The following WBP11 variants were observed in gnomAD, a reference collection of about 807,000 sequenced individuals.
WBP11 encodes WW domain-binding protein 11.
Under a neutral mutation model 66.7 loss-of-function variants are expected in WBP11, and 12 were observed. The observed-to-expected ratio is 0.18, with a 90% CI of 0.12 to 0.29. WBP11 has a LOEUF of 0.29. Ranked by LOEUF, WBP11 falls within the 10% of genes least tolerant of loss-of-function variation. The pLI, the probability that WBP11 is intolerant of heterozygous loss-of-function variation, is 1.00. For missense variants in WBP11, 555 were observed against 818.3 expected, an observed-to-expected ratio of 0.68 and a Z score of 3.93; for synonymous variants, 255 against 273.8, an observed-to-expected ratio of 0.93 and a Z score of 0.68.
In WBP11 at chr12:14,790,566, G is replaced by C. The variant is rs749551051; in HGVS notation, c.1199C>G (p.Ser400Cys). 3.7e-6 allele frequency: 6 copies of C among 1,613,848 alleles called. No individual in the cohort carries two copies. The highest frequency in any genetic ancestry group is 5.1e-6 in the Non-Finnish European group (6 of 1,179,858). ...TGGCATGGGAGGTGCTTGTATCTGA[G>C]AAGGAGGAACAGACTGCGGCGGAGC... Reference protein sequence around the residue: ...QQAPPQSVPPSQIQAPPMPGP... With the variant: ...QQAPPQSVPPCQIQAPPMPGP... Residue 400 changes from serine to cysteine, a missense_variant, in exon 10 of 12, where the codon TCT becomes TGT. Ser to Cys is a moderately radical substitution (Grantham distance 112, BLOSUM62 -1). Around this residue, in one of 6 missense-constraint regions of WBP11, gnomAD observed 230 missense variants for 286.3 expected, o/e 0.80. Coordinates refer to ENST00000261167, the MANE Select transcript of WBP11 (RefSeq NM_016312.3).
At chr12:14,794,789 G>A (rs560580335) in intron 6 of WBP11, 53 bp from the exon 7 acceptor site, 25 of 1,531,630 alleles carry the variant, frequency 1.6e-5, no homozygotes, top group Middle Eastern at 1.8e-4. Context: ...TCACTTAACA[G>A]TAATGAGATA....
intron 8 of WBP11, 69 bp downstream of exon 8, chr12:14,793,662 A>C: frequency 6.6e-7 from 1 of 1,514,944 alleles, no homozygotes; most frequent in South Asian, 1.3e-5. Context: ...CAGATTCATT[A>C]ATAAATTAGG....
intron 1 of WBP11, among the ~76,000 whole-genome samples, chr12:14,802,873 C>T (rs991985572): frequency 3.9e-5 from 6 of 152,162 alleles, no homozygotes; most frequent in African/African-American, 1.4e-4. Context: ...TGAAACACAA[C>T]GGATACGAAT....
At position 14,794,389 on chromosome 12, in the gene WBP11, C is replaced by T. The variant is rs937845398; in HGVS notation, c.721+148G>A. ...TATGATGCTTTTACTTGAGAAGATC[C>T]TATGATTTATCCAACTGTATGTATA... is the stretch of plus-strand genomic sequence containing the variant. On this transcript the variant is annotated intron_variant, in intron 7 of 11. Transcript: ENST00000261167. The T allele has an allele frequency of 4.4e-6, 4 of 904,774 alleles. No homozygotes were observed. In the African/African-American group the frequency reaches 5.0e-5, roughly 11 times the overall value. 56.0% of individuals were successfully genotyped at this position (904,774 alleles called of 1,614,324 possible).
chr12:14,790,444 GTAAGTGT>G lies in WBP11; in HGVS notation c.1309+5_1309+11del. 2 of 1,612,758 alleles carry G rather than the reference GTAAGTGT, an allele frequency of 1.2e-6. No homozygotes were observed. Among genetic ancestry groups the G allele is most frequent in the South Asian group, 2.2e-5 (2 of 90,984 alleles). Reference sequence around the variant, plus strand: ...CTCATTTAAACTTTATTCACATTATGTAAGTGTTTACCTGGAGGTGGACCAGGAGGAA... The same window carrying G: ...CTCATTTAAACTTTATTCACATTATGTTACCTGGAGGTGGACCAGGAGGAA... On this transcript the variant is annotated splice_donor_5th_base_variant and intron_variant, in intron 10 of 11. Transcript: ENST00000261167.
At position 14,788,934 on chromosome 12, in the gene WBP11, GA is replaced by G. The variant is rs1949788113; in HGVS notation, c.1492+16del. The G allele has an allele frequency of 3.6e-6, 5 of 1,385,754 alleles. No individual in the cohort carries two copies. Among genetic ancestry groups the G allele is most frequent in the Non-Finnish European group, 4.7e-6 (5 of 1,059,266 alleles). 85.8% of individuals were successfully genotyped at this position (1,385,754 alleles called of 1,614,324 possible). Reference sequence around the variant, plus strand: ...AACAGCAGGCTAAGTTTTTATTATAGAAATTGAAAGCATCACCTGGAGGTGC... The same window carrying G: ...AACAGCAGGCTAAGTTTTTATTATAGAATTGAAAGCATCACCTGGAGGTGC... On this transcript the variant is annotated intron_variant, in intron 11 of 11. Transcript: ENST00000261167.
In WBP11 at chr12:14,796,690, T is replaced by TAA. The variant is rs71038636; in HGVS notation, c.387+115_387+116dup. The TAA allele has an allele frequency of 8.0e-5, 75 of 935,102 alleles. No individual in the cohort carries two copies. The highest frequency in any genetic ancestry group is 1.1e-4 in the Admixed American group (3 of 27,430). The allele number at this position is 935,102 out of a possible 1,614,324, so 57.9% of individuals were successfully genotyped here. On this transcript the variant is annotated intron_variant, in intron 5 of 11. Transcript: ENST00000261167. The surrounding 1 kb of genome is among the most constrained non-coding windows in gnomAD (Gnocchi z 4.5). ...ATATACACAAAAACAAAACAAAATA[T>TAA]AAAAAAAACCCAACAACCCTAAATC... is the stretch of plus-strand genomic sequence containing the variant.
In WBP11 at chr12:14,787,046, T is replaced by C. The variant is rs749750394; in HGVS notation, c.*19A>G. 19 of 1,531,058 alleles carry C rather than the reference T, an allele frequency of 1.2e-5. No individual in the cohort carries two copies. The highest frequency in any genetic ancestry group is 8.5e-5 in the Admixed American group (5 of 58,794). 94.8% of individuals were successfully genotyped at this position (1,531,058 alleles called of 1,614,324 possible). A position where few individuals can be genotyped will look rare whatever the true frequency, so the allele number is the denominator to read the frequency against. On this transcript the variant is annotated 3_prime_UTR_variant, in exon 12 of 12. Coordinates refer to ENST00000261167, the MANE Select transcript of WBP11 (RefSeq NM_016312.3). The stretch of plus-strand genomic sequence containing the variant: ...GGGCCACTGTTGTGAACAGAAGCCT[T>C]TTCTGGCATCAAAAGCTGTCACAGT...
Position 14,787,020 on chromosome 12 carries a change from T to C in WBP11, c.*45A>G, listed in dbSNP as rs775907877. 9 of 1,528,466 alleles carry C rather than the reference T, an allele frequency of 5.9e-6. No homozygotes were observed. In the Admixed American group the frequency reaches 6.3e-5, roughly 11 times the overall value. The allele number at this position is 1,528,466 out of a possible 1,614,324, so 94.7% of individuals were successfully genotyped here. A position where few individuals can be genotyped will look rare whatever the true frequency, so the allele number is the denominator to read the frequency against. Reference sequence around the variant, plus strand: ...AGTTTAATAAGAGCCTCTTTCTCCATGGGCCACTGTTGTGAACAGAAGCCT... The same window carrying C: ...AGTTTAATAAGAGCCTCTTTCTCCACGGGCCACTGTTGTGAACAGAAGCCT... On this transcript the variant is annotated 3_prime_UTR_variant, in exon 12 of 12. Transcript: ENST00000261167.
chr12:14,796,740 T>G lies in WBP11; in HGVS notation c.387+67A>C. 1 of 1,440,418 alleles carries G rather than the reference T, an allele frequency of 6.9e-7. No individual in the cohort carries two copies. Among genetic ancestry groups the G allele is most frequent in the Non-Finnish European group, 9.3e-7 (1 of 1,077,218 alleles). 89.2% of individuals were successfully genotyped at this position (1,440,418 alleles called of 1,614,324 possible). On this transcript the variant is annotated intron_variant, in intron 5 of 11. Transcript: ENST00000261167. This position sits in a 1 kb window ranked among gnomAD's most constrained non-coding sequence, Gnocchi z 4.5. Reference sequence around the variant, plus strand: ...CCAAAACACTTCTGGTCCCAAGCACTTTGCATAAGGGATACTCAATCTGTA... The same window carrying G: ...CCAAAACACTTCTGGTCCCAAGCACGTTGCATAAGGGATACTCAATCTGTA...
chr12:14,786,953 A>C lies in WBP11; in HGVS notation c.*112T>G. ...AATTTTAGGATATTCCTTGAACTGA[A>C]ATTAGAAAATACCCTGACAATGGAA... On this transcript the variant is annotated 3_prime_UTR_variant, in exon 12 of 12. Transcript: ENST00000261167. 1 of 1,185,574 alleles carries C rather than the reference A, an allele frequency of 8.4e-7. No individual in the cohort carries two copies. The highest frequency in any genetic ancestry group is 2.6e-5 in the East Asian group (1 of 38,958). 73.4% of individuals were successfully genotyped at this position (1,185,574 alleles called of 1,614,324 possible).
At chr12:14,788,874 G>A in intron 11 of WBP11, 77 bp downstream of exon 11, 1 of 806,530 alleles carries the variant, frequency 1.2e-6, no homozygotes, top group Non-Finnish European at 1.8e-6. Flanking sequence ...TCAGAATACT[G>A]AAATGTGACC....
intron 10 of WBP11, 62 bp downstream of exon 10, chr12:14,790,394 T>A (rs1949806484): frequency 6.4e-7 from 1 of 1,552,308 alleles, no homozygotes; most frequent in South Asian, 1.2e-5. Flanking sequence ...ACACATAGTA[T>A]TTTTTGGAAT....
At chr12:14,798,981 C>T (rs1324903839) in intron 4 of WBP11, among the ~76,000 whole-genome samples, 1 of 152,010 alleles carries the variant, frequency 6.6e-6, no homozygotes, top group Non-Finnish European at 1.5e-5. Context: ...ATAAAATTTC[C>T]AGTGGCAACA....
intron 8 of WBP11, among the ~76,000 whole-genome samples, chr12:14,793,196 A>G (rs912648049): frequency 3.9e-5 from 6 of 152,356 alleles, no homozygotes; most frequent in Admixed American, 1.3e-4. Flanking sequence ...TTCCACTGTC[A>G]GTACCCATTA....
chr12:14,789,167 C>T (rs1949792220), intron 10 of WBP11, 34 bp from the exon 11 acceptor site: 2 of 1,495,062 alleles, frequency 1.3e-6, no homozygotes, highest in Non-Finnish European at 1.8e-6. Flanking sequence ...TAATGTCACA[C>T]AAATGTACAC....
In WBP11 at chr12:14,794,751, A is replaced by G. The variant is rs1565673553; in HGVS notation, c.522-15T>C. On this transcript the variant is annotated splice_polypyrimidine_tract_variant and intron_variant, in intron 6 of 11. Transcript: ENST00000261167. Reference sequence around the variant, plus strand: ...GAGTTGGAGGTCTGTTAAAAAAAAAAACAAAAACAAAAAAACCCCCACAGT... The same window carrying G: ...GAGTTGGAGGTCTGTTAAAAAAAAAGACAAAAACAAAAAAACCCCCACAGT... 1 of 1,535,668 alleles carries G rather than the reference A, an allele frequency of 6.5e-7. No homozygotes were observed. The highest frequency in any genetic ancestry group is 2.3e-5 in the East Asian group (1 of 44,288).
intron 6 of WBP11, 51 bp from the exon 7 acceptor site, chr12:14,794,787 C>A (rs747205112): frequency 6.5e-7 from 1 of 1,531,774 alleles, no homozygotes; most frequent in Non-Finnish European, 8.7e-7. Flanking sequence ...AATCACTTAA[C>A]AGTAATGAGA....
chr12:14,794,032 T>A, intron 7 of WBP11, 110 bp from the exon 8 acceptor site: 1 of 639,220 alleles, frequency 1.6e-6, no homozygotes, highest in East Asian at 3.7e-5. Flanking sequence ...AACAACTTAA[T>A]TCTTACCAAA....
Sources: gnomAD v4.1 joint callset for allele counts (sites outside exome capture counted in the v4.1 genomes callset) on GRCh38, gnomAD v4.1.1 for gene constraint, gnomAD v4.1.1 regional missense constraint, Gnocchi (gnomAD v3.1) non-coding constraint, MANE v1.5 for transcripts, NCBI Gene and HGNC (gene_info 2026-07-23, HGNC 2026-07-21) for gene names.